EPHA10: variants seen among roughly 807,000 people sequenced by gnomAD.
The protein encoded by EPHA10 is ephrin type-A receptor 10.
A neutral mutation model predicts 109.7 loss-of-function variants in EPHA10; 120 were observed. That is an observed-to-expected ratio of 1.09 (90% CI 0.94 to 1.27). The LOEUF (loss-of-function observed/expected upper bound fraction) is 1.27. EPHA10 is among the 50% of genes most tolerant of loss of function. The pLI is 0.00. For synonymous variants in EPHA10, 640 were observed against 618.9 expected (o/e 1.03, Z -0.51); for missense variants, 1,396 against 1,411.1 (o/e 0.99, Z 0.17).
In EPHA10 at chr1:37,754,476, ACAGT is replaced by A. The variant is rs1315471519; in HGVS notation, c.851-110_851-107del. ...TATCTCCTCCAATTGCGATAGAAAAACAGTCAGGGGACTCAGCCACTCCAGTCAG... is the reference window on the plus strand; with the variant it reads ...TATCTCCTCCAATTGCGATAGAAAAACAGGGGACTCAGCCACTCCAGTCAG... On this transcript the variant is annotated intron_variant, in intron 3 of 16. Coordinates refer to ENST00000373048, the MANE Select transcript of EPHA10 (RefSeq NM_001099439.2). The surrounding 1 kb of genome is among the most constrained non-coding windows in gnomAD (Gnocchi z 4.5). 5 of 1,112,120 alleles carry A rather than the reference ACAGT, an allele frequency of 4.5e-6. No homozygotes were observed. Among genetic ancestry groups the A allele is most frequent in the Admixed American group, 4.2e-5 (1 of 23,600 alleles). 68.9% of individuals were successfully genotyped at this position (1,112,120 alleles called of 1,614,324 possible).
At chr1:37,723,215 G>C in intron 9 of EPHA10, 49 bp from the exon 10 acceptor site, 1 of 1,605,366 alleles carries the variant, frequency 6.2e-7, no homozygotes, top group African/African-American at 1.3e-5. Context: ...CACCACTGGG[G>C]CTGACAAGCG....
In EPHA10 at chr1:37,717,043, A is replaced by C; in HGVS notation, c.*1329T>G. The stretch of plus-strand genomic sequence containing the variant: ...TTTCCCGCCCCATCCCACCCCACCA[A>C]CACACAGCCAAGCAGAGCAGACAAG... On this transcript the variant is annotated 3_prime_UTR_variant, in exon 17 of 17. Coordinates refer to ENST00000373048, the MANE Select transcript of EPHA10 (RefSeq NM_001099439.2). 4.4e-6 allele frequency: 1 copy of C among 224,834 alleles called. No individual in the cohort carries two copies. The allele number at this position is 224,834 out of a possible 1,614,324, so 13.9% of individuals were successfully genotyped here.
chr1:37,723,323 G>A lies in EPHA10; in HGVS notation c.1822C>T (p.Leu608=). 1 of 1,614,176 alleles carries A rather than the reference G, an allele frequency of 6.2e-7. No individual in the cohort carries two copies. Among genetic ancestry groups the A allele is most frequent in the South Asian group, 1.1e-5 (1 of 91,080 alleles). Residue 608 remains leucine, a synonymous_variant, in exon 9 of 17, where the codon CTG becomes TTG. Transcript: ENST00000373048. ...CCAGCCAACTCACAGTGGAAATACA[G>A]CTCCTCTTCATCATGGGCATCCCCT... The part of the protein sequence containing the change: ...GGGDAHDEEE[L]YFHFKVPTRR...
In EPHA10 at chr1:37,765,056, C is replaced by T; in HGVS notation, c.11G>A (p.Cys4Tyr). The T allele has an allele frequency of 3.7e-6, 6 of 1,601,576 alleles. No homozygotes were observed. The highest frequency in any genetic ancestry group is 5.1e-6 in the Non-Finnish European group (6 of 1,176,554). The change falls in exon 1 of 17, where the codon TGC becomes TAC. Residue 4 changes from cysteine to tyrosine, a missense_variant. Cys to Tyr is a radical substitution (Grantham distance 194, BLOSUM62 -2). Transcript: ENST00000373048. Reference protein sequence around the residue: METCAGPHPLRLFL... With the variant: METYAGPHPLRLFL... ...GAGGCGCAGCGGGTGTGGACCGGCGCAGGTCTCCATGGTCCGCAGACCGAG... is the reference window on the plus strand; with the variant it reads ...GAGGCGCAGCGGGTGTGGACCGGCGTAGGTCTCCATGGTCCGCAGACCGAG...
chr1:37,745,160 G>GT (rs1323477891), intron 5 of EPHA10, among the ~76,000 whole-genome samples: 3 of 152,182 alleles, frequency 2.0e-5, no homozygotes, highest in African/African-American at 7.2e-5. Context: ...AGGCCAGCCA[G>GT]TTTTTTGGCA....
At chr1:37,756,106 C>T (rs1646390876) in intron 3 of EPHA10, among the ~76,000 whole-genome samples, 1 of 152,116 alleles carries the variant, frequency 6.6e-6, no homozygotes, top group Admixed American at 6.5e-5. Flanking sequence ...GAAGTCTCCT[C>T]TGCCTGCAGA....
intron 3 of EPHA10, among the ~76,000 whole-genome samples, chr1:37,758,500 C>G (rs1191951168): frequency 6.6e-6 from 1 of 152,202 alleles, no homozygotes; most frequent in South Asian, 2.1e-4. Context: ...AGGCCACCAA[C>G]TGGGCACTTT....
intron 3 of EPHA10, chr1:37,761,177 C>T: frequency 6.9e-7 from 1 of 1,448,566 alleles, no homozygotes; most frequent in Non-Finnish European, 9.0e-7. Flanking sequence ...ATATAGATCC[C>T]TAATGCCTCC....
At chr1:37,726,951 C>T (rs548527883) in intron 8 of EPHA10, 151 bp downstream of exon 8, 21 of 505,254 alleles carry the variant, frequency 4.2e-5, no homozygotes, top group Non-Finnish European at 7.2e-5. Flanking sequence ...GGGGAGGGGC[C>T]GGGATGATGC....
chr1:37,758,189 A>G (rs151267671), intron 3 of EPHA10, among the ~76,000 whole-genome samples: 151 of 152,348 alleles, frequency 9.9e-4, no homozygotes, highest in African/African-American at 3.4e-3. Flanking sequence ...AGCAAAATGC[A>G]TCAGCAATTC....
At chr1:37,732,468 T>A (rs1646000404) in intron 6 of EPHA10, among the ~76,000 whole-genome samples, 1 of 152,144 alleles carries the variant, frequency 6.6e-6, no homozygotes, top group Non-Finnish European at 1.5e-5. Flanking sequence ...CCCACTGATA[T>A]TCGGTGGCTC....
At position 37,753,100 on chromosome 1, in the gene EPHA10, AG is replaced by A; in HGVS notation, c.1132del (p.Leu378CysfsTer130). On this transcript the variant is annotated frameshift_variant, in exon 5 of 17. Transcript: ENST00000373048. LOFTEE classifies it high-confidence loss of function. ...RSDVTYSLLCLRCGREGPAGA... is the reference protein window; with the variant it reads ...RSDVTYSLLCXRCGREGPAGA... ...CGCCGGGCCCTCGCGGCCGCAGCGC[AG>A]GCACAGCAGCGAGTAGGTGACGTCC... 1 of 1,363,170 alleles carries A rather than the reference AG, an allele frequency of 7.3e-7. No homozygotes were observed. The highest frequency in any genetic ancestry group is 1.6e-5 in the South Asian group (1 of 60,734). 84.4% of individuals were successfully genotyped at this position (1,363,170 alleles called of 1,614,324 possible). A position where few individuals can be genotyped will look rare whatever the true frequency, so the allele number is the denominator to read the frequency against.
intron 5 of EPHA10, among the ~76,000 whole-genome samples, chr1:37,747,217 A>C (rs1465973088): frequency 6.6e-6 from 1 of 152,248 alleles, no homozygotes; most frequent in Admixed American, 6.5e-5. Flanking sequence ...GCTTTAAAAA[A>C]TTTAAACAAA....
At position 37,718,233 on chromosome 1, in the gene EPHA10, G is replaced by C. The variant is rs1645722361; in HGVS notation, c.*139C>G. ...CAGGCAGTGAAAGCGGGGAAGCTGTGGCCCCACCAGATCTGGGCCCAAGCA... is the reference window on the plus strand; with the variant it reads ...CAGGCAGTGAAAGCGGGGAAGCTGTCGCCCCACCAGATCTGGGCCCAAGCA... On this transcript the variant is annotated 3_prime_UTR_variant, in exon 17 of 17. Coordinates refer to ENST00000373048, the MANE Select transcript of EPHA10 (RefSeq NM_001099439.2). The C allele has an allele frequency of 2.7e-6, 2 of 727,278 alleles. No homozygotes were observed. The highest frequency in any genetic ancestry group is 5.3e-5 in the East Asian group (2 of 38,024). 45.1% of individuals were successfully genotyped at this position (727,278 alleles called of 1,614,324 possible). A position where few individuals can be genotyped will look rare whatever the true frequency, so the allele number is the denominator to read the frequency against.
intron 5 of EPHA10, among the ~76,000 whole-genome samples, chr1:37,751,837 C>A (rs1376644965): frequency 6.6e-6 from 1 of 151,166 alleles, no homozygotes; most frequent in East Asian, 1.9e-4. Context: ...CGCGCCACTG[C>A]ACTCCAGCCT....
Position 37,716,195 on chromosome 1 carries a change from G to A in EPHA10, c.*2177C>T. 1 of 355,128 alleles carries A rather than the reference G, an allele frequency of 2.8e-6. No homozygotes were observed. Among genetic ancestry groups the A allele is most frequent in the Non-Finnish European group, 5.3e-6 (1 of 189,866 alleles). The allele number at this position is 355,128 out of a possible 1,614,324, so 22.0% of individuals were successfully genotyped here. ...TCGCCCCACATCACATCTGTGCAGG[G>A]CTGAGGCCTGGGACCCAACAGGATT... is the stretch of plus-strand genomic sequence containing the variant. On this transcript the variant is annotated 3_prime_UTR_variant, in exon 17 of 17. Coordinates refer to ENST00000373048, the MANE Select transcript of EPHA10 (RefSeq NM_001099439.2).
chr1:37,750,432 G>T (rs1161803218), intron 5 of EPHA10, among the ~76,000 whole-genome samples: 1 of 149,890 alleles, frequency 6.7e-6, no homozygotes, highest in African/African-American at 2.5e-5. Flanking sequence ...CCAAAAGGCA[G>T]TGGAAATGGA....
chr1:37,731,370 C>G, intron 7 of EPHA10, 41 bp downstream of exon 7: 2 of 1,523,358 alleles, frequency 1.3e-6, no homozygotes, highest in Non-Finnish European at 1.8e-6. Flanking sequence ...GTGCAGGGTT[C>G]TCTCTGTCTA....
intron 3 of EPHA10, among the ~76,000 whole-genome samples, chr1:37,758,474 G>A (rs1252902034): frequency 6.6e-6 from 1 of 152,112 alleles, no homozygotes; most frequent in African/African-American, 2.4e-5. Flanking sequence ...TCACTCAGCT[G>A]CAATTGCTCT....
Sources: gnomAD v4.1 joint callset for allele counts (sites outside exome capture counted in the v4.1 genomes callset) on GRCh38, gnomAD v4.1.1 for gene constraint, Gnocchi (gnomAD v3.1) non-coding constraint, MANE v1.5 for transcripts, NCBI Gene and HGNC (gene_info 2026-07-23, HGNC 2026-07-21) for gene names.